The following FRMPD4 variants were observed in gnomAD, a reference collection of about 807,000 sequenced individuals.
FRMPD4 encodes FERM and PDZ domain containing 4, also known as FERM and PDZ domain-containing protein 4.
FRMPD4 carries 22 observed loss-of-function variants against 94.1 expected under a neutral mutation model. That is an observed-to-expected ratio of 0.23 (90% CI 0.17 to 0.33). The LOEUF (loss-of-function observed/expected upper bound fraction) is 0.33, where lower values mean the gene tolerates loss of function less well. Ranked by LOEUF, FRMPD4 falls within the 10% of genes least tolerant of loss-of-function variation. The pLI is 1.00. For synonymous variants in FRMPD4, 631 were observed against 548.6 expected, an observed-to-expected ratio of 1.15 and a Z score of -2.10; for missense variants, 1,111 against 1,339.9, an observed-to-expected ratio of 0.83 and a Z score of 2.67.
intron 3 of FRMPD4, among the ~76,000 whole-genome samples, chrX:11,984,409 C>T (rs1003939150): frequency 7.1e-5 from 8 of 112,018 alleles, no homozygotes; most frequent in African/African-American, 2.3e-4. Context: ...CTGGTAAAGC[C>T]GTGTTTCATT....
chrX:12,175,927 G>A (rs900262077), intron 1 of FRMPD4, among the ~76,000 whole-genome samples: 2 of 111,975 alleles, frequency 1.8e-5, no homozygotes, highest in East Asian at 2.8e-4. Flanking sequence ...AACCATCTGA[G>A]GAGTATTTAA....
intron 1 of FRMPD4, among the ~76,000 whole-genome samples, chrX:12,353,870 A>G (rs912848156): frequency 2.7e-5 from 3 of 111,864 alleles, no homozygotes; most frequent in African/African-American, 9.8e-5. Context: ...CTGAGTGCTC[A>G]TTTTGCCCTA....
At chrX:12,706,643 C>T (rs1368038146) in intron 11 of FRMPD4, among the ~76,000 whole-genome samples, 183 bp from the exon 12 acceptor site, 11 of 111,902 alleles carry the variant, frequency 9.8e-5, no homozygotes, top group East Asian at 2.8e-4. Flanking sequence ...ATTTTATGTT[C>T]CAGTCCTTCA....
chrX:12,002,937 A>G (rs191865476), intron 3 of FRMPD4, among the ~76,000 whole-genome samples: 113 of 111,446 alleles, frequency 1.0e-3, no homozygotes, highest in African/African-American at 3.5e-3. Context: ...AGGGAATGGG[A>G]ACCTCTCCCC....
intron 3 of FRMPD4, among the ~76,000 whole-genome samples, chrX:11,883,717 A>G (rs912517187): frequency 3.6e-5 from 4 of 112,110 alleles, no homozygotes; most frequent in African/African-American, 1.3e-4. Flanking sequence ...GTACGTATGC[A>G]CAGGCAGAGC....
chrX:11,987,097 T>TCAAAAAAAAAAAAAA (rs1569137639), intron 3 of FRMPD4, among the ~76,000 whole-genome samples: 3 of 14,642 alleles, frequency 2.0e-4, no homozygotes, highest in African/African-American at 1.4e-3. Context: ...CAAAGACACA[T>TCAAAAAAAAAAAAAA]TAAAAAAAAA....
chrX:11,998,093 G>A (rs140462383), intron 3 of FRMPD4, among the ~76,000 whole-genome samples: 140 of 111,703 alleles, frequency 1.3e-3, no homozygotes, highest in African/African-American at 4.3e-3. Flanking sequence ...TTATGACACA[G>A]TGTTCTTTGT....
intron 1 of FRMPD4, among the ~76,000 whole-genome samples, chrX:12,343,574 T>C (rs2055651705): frequency 1.8e-5 from 2 of 112,048 alleles, no homozygotes; most frequent in Admixed American, 1.9e-4. Flanking sequence ...TCACCCCTCT[T>C]CCTGAGAACA....
intron 3 of FRMPD4, among the ~76,000 whole-genome samples, chrX:12,110,822 T>G (rs2055353371): frequency 9.0e-6 from 1 of 111,333 alleles, no homozygotes; most frequent in South Asian, 3.8e-4. Flanking sequence ...CATTCACAAT[T>G]GCTTCAAAGA....
At chrX:12,139,653 G>T (rs958641068) in intron 1 of FRMPD4, among the ~76,000 whole-genome samples, 2 of 111,015 alleles carry the variant, frequency 1.8e-5, no homozygotes, top group African/African-American at 6.6e-5. Flanking sequence ...CATCGATTCA[G>T]ACATTTTTGG....
chrX:12,668,018 C>T (rs1244139771), intron 4 of FRMPD4, among the ~76,000 whole-genome samples: 1 of 112,245 alleles, frequency 8.9e-6, no homozygotes, highest in Non-Finnish European at 1.9e-5. Flanking sequence ...TAATACTTAT[C>T]TAAATGTAGT....
intron 1 of FRMPD4, among the ~76,000 whole-genome samples, chrX:12,451,277 A>T (rs2057267058): frequency 8.9e-6 from 1 of 111,925 alleles, no homozygotes; most frequent in South Asian, 3.7e-4. Flanking sequence ...CCCTCAGCTC[A>T]TCCCTGCCCC....
chrX:12,221,104 A>G (rs1377860099), intron 1 of FRMPD4, among the ~76,000 whole-genome samples: 2 of 112,473 alleles, frequency 1.8e-5, no homozygotes, highest in Non-Finnish European at 3.8e-5. Flanking sequence ...TTTCTTCACT[A>G]TAGCCCTTTG....
At chrX:12,717,324 A>G (rs1419968550) in intron 15 of FRMPD4, among the ~76,000 whole-genome samples, 177 bp from the exon 16 acceptor site, 2 of 110,944 alleles carry the variant, frequency 1.8e-5, no homozygotes, top group Middle Eastern at 4.6e-3. Flanking sequence ...TTTTAAAAAC[A>G]TAAGGCACAT....
chrX:12,666,994 A>C (rs1233013978), intron 4 of FRMPD4, among the ~76,000 whole-genome samples: 1 of 112,261 alleles, frequency 8.9e-6, no homozygotes, highest in Non-Finnish European at 1.9e-5. Context: ...CTATGTGTGC[A>C]TGTGTATACC....
intron 2 of FRMPD4, among the ~76,000 whole-genome samples, chrX:12,535,245 G>A (rs969542774): frequency 9.0e-6 from 1 of 111,379 alleles, no homozygotes; most frequent in African/African-American, 3.3e-5. Context: ...ATTATTGTGA[G>A]CCCTCCCCAG....
At chrX:12,696,586 C>CAAAAAAAAAAAAAAAAAAAAAA (rs57877846) in intron 9 of FRMPD4, among the ~76,000 whole-genome samples, 9 of 30,059 alleles carry the variant, frequency 3.0e-4, no homozygotes, top group African/African-American at 4.2e-4. Context: ...AAAAATGAAG[C>CAAAAAAAAAAAAAAAAAAAAAA]AAAAAAAAAA....
At chrX:12,616,011 A>C (rs1026197251) in intron 4 of FRMPD4, among the ~76,000 whole-genome samples, 1 of 110,965 alleles carries the variant, frequency 9.0e-6, no homozygotes, top group African/African-American at 3.3e-5. Flanking sequence ...AAATAGAAAG[A>C]GAAGGCACTT....
At chrX:12,469,813 C>T (rs1278362352) in intron 1 of FRMPD4, among the ~76,000 whole-genome samples, 1 of 112,081 alleles carries the variant, frequency 8.9e-6, no homozygotes, top group African/African-American at 3.2e-5. Flanking sequence ...AATGGATACC[C>T]TATGTAAAGA....
Sources: gnomAD v4.1 joint callset for allele counts (sites outside exome capture counted in the v4.1 genomes callset) on GRCh38, gnomAD v4.1.1 for gene constraint, MANE v1.5 for transcripts, NCBI Gene and HGNC (gene_info 2026-07-23, HGNC 2026-07-21) for gene names.